The following DMD variants were observed in gnomAD, a reference collection of about 807,000 sequenced individuals.
The protein encoded by DMD is mutant dystrophin.
DMD carries 63 observed loss-of-function variants against 330.1 expected under a neutral mutation model. That is an observed-to-expected ratio of 0.19 (90% confidence interval 0.16 to 0.24). The LOEUF (loss-of-function observed/expected upper bound fraction) is 0.24, where lower values mean the gene tolerates loss of function less well. Ranked by LOEUF, DMD falls within the 10% of genes least tolerant of loss-of-function variation. DMD has a pLI of 1.00. For missense variants in DMD, 3,344 were observed against 2,684.1 expected, an observed-to-expected ratio of 1.25 and a Z score of -5.43; for synonymous variants, 1,223 against 959.8, an observed-to-expected ratio of 1.27 and a Z score of -5.07.
intron 6 of DMD, among the ~76,000 whole-genome samples, chrX:32,814,909 G>C (rs943292761): frequency 9.0e-6 from 1 of 111,484 alleles, no homozygotes; most frequent in Admixed American, 9.6e-5. Context: ...ATGTGTACAT[G>C]AACAGCAAAA....
intron 2 of DMD, among the ~76,000 whole-genome samples, chrX:32,856,107 A>T (rs1024586457): frequency 2.2e-4 from 25 of 112,329 alleles, no homozygotes; most frequent in African/African-American, 7.7e-4. Flanking sequence ...AACTACAATG[A>T]GGTATCATCT....
intron 41 of DMD, among the ~76,000 whole-genome samples, chrX:32,313,972 C>A (rs1362197639): frequency 4.5e-5 from 5 of 111,243 alleles, no homozygotes; most frequent in Non-Finnish European, 9.4e-5. Context: ...GCCATAGCGC[C>A]CAAAGTAATT....
At chrX:31,240,407 T>A (rs1296634169) in intron 63 of DMD, among the ~76,000 whole-genome samples, 1 of 111,899 alleles carries the variant, frequency 8.9e-6, no homozygotes, top group Non-Finnish European at 1.9e-5. Flanking sequence ...CCAAGAGTGG[T>A]TGGAGACTTA....
chrX:32,442,016 T>G (rs192519618), intron 27 of DMD, among the ~76,000 whole-genome samples: 29 of 111,022 alleles, frequency 2.6e-4, no homozygotes, highest in African/African-American at 9.4e-4. Flanking sequence ...GGCCATTAAT[T>G]TGTATTATGA....
intron 60 of DMD, among the ~76,000 whole-genome samples, chrX:31,393,141 C>T (rs1432062133): frequency 8.9e-6 from 1 of 112,064 alleles, no homozygotes. Context: ...ATGTTCACCT[C>T]ATCTTAGGGC....
At chrX:33,163,562 A>G (rs188590368) in intron 1 of DMD, among the ~76,000 whole-genome samples, 6 of 104,492 alleles carry the variant, frequency 5.7e-5, no homozygotes, top group Admixed American at 5.3e-4. Flanking sequence ...GTATATATAT[A>G]TATATATATA....
intron 44 of DMD, among the ~76,000 whole-genome samples, chrX:32,058,858 G>T (rs760943987): frequency 6.3e-5 from 7 of 111,546 alleles, no homozygotes; most frequent in Non-Finnish European, 1.3e-4. Flanking sequence ...AATGTCTATT[G>T]ACAGGGGAAT....
intron 7 of DMD, among the ~76,000 whole-genome samples, chrX:32,743,917 A>C (rs966721207): frequency 1.8e-5 from 2 of 111,418 alleles, no homozygotes; most frequent in African/African-American, 6.5e-5. Flanking sequence ...ACAGTTCCCT[A>C]TATATTTTAC....
intron 1 of DMD, among the ~76,000 whole-genome samples, chrX:33,281,064 G>T (rs980740550): frequency 8.9e-6 from 1 of 111,772 alleles, no homozygotes; most frequent in African/African-American, 3.3e-5. Flanking sequence ...TCCAATCCAT[G>T]AACATAATGT....
intron 9 of DMD, among the ~76,000 whole-genome samples, chrX:32,655,966 G>A (rs1008416152): frequency 1.9e-5 from 2 of 106,856 alleles, no homozygotes; most frequent in Non-Finnish European, 3.8e-5. Context: ...TGCAACCCCT[G>A]CCTTTTTTTG....
chrX:32,003,277 G>T (rs945703288), intron 44 of DMD, among the ~76,000 whole-genome samples: 2 of 111,878 alleles, frequency 1.8e-5, no homozygotes, highest in African/African-American at 6.5e-5. Context: ...AGTGATTTTA[G>T]TTAGCCAAAT....
intron 45 of DMD, among the ~76,000 whole-genome samples, chrX:31,941,533 G>A (rs1347750135): frequency 7.2e-5 from 8 of 111,050 alleles, no homozygotes; most frequent in Non-Finnish European, 1.5e-4. Context: ...TGTCTCCTTC[G>A]CTCCTTCTCA....
chrX:32,690,134 C>T (rs2063169151), intron 9 of DMD, among the ~76,000 whole-genome samples: 1 of 108,824 alleles, frequency 9.2e-6, no homozygotes, highest in African/African-American at 3.3e-5. Context: ...TTGCAGATGA[C>T]ATAATCTTAT....
chrX:32,028,076 G>A (rs2095859221), intron 44 of DMD, among the ~76,000 whole-genome samples: 1 of 112,090 alleles, frequency 8.9e-6, no homozygotes, highest in South Asian at 3.7e-4. Flanking sequence ...AATCAATGCA[G>A]GTAGAAGGTG....
intron 17 of DMD, among the ~76,000 whole-genome samples, chrX:32,544,623 A>C (rs2148955830): frequency 9.0e-6 from 1 of 111,354 alleles, no homozygotes; most frequent in African/African-American, 3.3e-5. Context: ...AAATTCTAAC[A>C]CCTTCAAGAT....
chrX:31,750,452 G>T (rs1224032494), intron 51 of DMD, among the ~76,000 whole-genome samples: 1 of 110,418 alleles, frequency 9.1e-6, no homozygotes, highest in Non-Finnish European at 1.9e-5. Flanking sequence ...ATCAGATAGT[G>T]GTAGATATGC....
chrX:31,174,915 T>C lies in DMD; in HGVS notation c.10263-1311A>G, dbSNP rs2040359155. ...TCATCTAGGTCAAGTGTAATCATAA[T>C]CAAATTGAAATGAGTTATAAAGACG... is the stretch of plus-strand genomic sequence containing the variant. On this transcript the variant is annotated intron_variant, in intron 71 of 78. Coordinates refer to ENST00000357033, the MANE Select transcript of DMD (RefSeq NM_004006.3). Among the ~76,000 whole-genome samples, 3 of 111,324 alleles carry C rather than the reference T, an allele frequency of 2.7e-5. No homozygotes were observed. In the Admixed American group the frequency reaches 2.9e-4, roughly 11 times the overall value.
At chrX:31,381,624 C>T (rs1447401735) in intron 60 of DMD, among the ~76,000 whole-genome samples, 1 of 111,086 alleles carries the variant, frequency 9.0e-6, no homozygotes, top group Non-Finnish European at 1.9e-5. Flanking sequence ...TCTGATCCAC[C>T]AGACATTCAA....
chrX:32,554,300 T>C (rs2049916796), intron 16 of DMD, among the ~76,000 whole-genome samples: 2 of 110,258 alleles, frequency 1.8e-5, no homozygotes, highest in South Asian at 7.5e-4. Flanking sequence ...TGAAAAACCC[T>C]CCAAAAAACT....
Sources: gnomAD v4.1 joint callset for allele counts (sites outside exome capture counted in the v4.1 genomes callset) on GRCh38, gnomAD v4.1.1 for gene constraint, MANE v1.5 for transcripts, NCBI Gene and HGNC (gene_info 2026-07-23, HGNC 2026-07-21) for gene names.